The following PLD5 variants were observed in gnomAD, a reference collection of about 807,000 sequenced individuals.
PLD5 encodes the protein inactive phospholipase D5.
A neutral mutation model predicts 61.1 loss-of-function variants in PLD5; 36 were observed. The ratio of observed to expected loss-of-function variants is 0.59; its 90% CI spans 0.45 to 0.78. The LOEUF is 0.78. PLD5 is among the 30% of genes least tolerant of loss of function. The probability of loss-of-function intolerance (pLI) is 0.00; values close to 1 mark genes in which losing one functional copy is unlikely to be tolerated. For missense variants in PLD5, 515 were observed against 644.4 expected, an observed-to-expected ratio of 0.80 and a Z score of 2.17; for synonymous variants, 243 against 242.8, an observed-to-expected ratio of 1.00 and a Z score of -0.01.
chr1:242,233,956 G>A (rs1237055020), intron 4 of PLD5, among the ~76,000 whole-genome samples: 1 of 152,138 alleles, frequency 6.6e-6, no homozygotes, highest in African/African-American at 2.4e-5. Flanking sequence ...TTTCTACATG[G>A]GAGATGTGGT....
At chr1:242,203,987 A>G (rs1196926763) in intron 5 of PLD5, among the ~76,000 whole-genome samples, 2 of 152,234 alleles carry the variant, frequency 1.3e-5, no homozygotes, top group African/African-American at 4.8e-5. Flanking sequence ...CTGTAATCCC[A>G]GCACTTTGGG....
chr1:242,264,919 T>C (rs1352874708), intron 4 of PLD5, among the ~76,000 whole-genome samples: 1 of 152,208 alleles, frequency 6.6e-6, no homozygotes, highest in Non-Finnish European at 1.5e-5. Context: ...CAATGTTTCA[T>C]AGACTCCAGG....
chr1:242,353,841 T>C (rs1354644900), intron 1 of PLD5, among the ~76,000 whole-genome samples: 2 of 151,568 alleles, frequency 1.3e-5, no homozygotes, highest in Non-Finnish European at 3.0e-5. Flanking sequence ...ACCTCCTTGA[T>C]TAAATTTATT....
At chr1:242,174,222 T>A (rs1169993687) in intron 5 of PLD5, among the ~76,000 whole-genome samples, 1 of 151,658 alleles carries the variant, frequency 6.6e-6, no homozygotes, top group Non-Finnish European at 1.5e-5. Flanking sequence ...AACAACCCCA[T>A]CAAAAAGTGG....
At chr1:242,510,088 G>C (rs1410817651) in intron 1 of PLD5, among the ~76,000 whole-genome samples, 1 of 152,018 alleles carries the variant, frequency 6.6e-6, no homozygotes, top group Non-Finnish European at 1.5e-5. Flanking sequence ...TGAATGAATG[G>C]GCTGGTGTTG....
intron 1 of PLD5, among the ~76,000 whole-genome samples, chr1:242,507,612 C>A (rs903334147): frequency 6.6e-6 from 1 of 152,192 alleles, no homozygotes; most frequent in Admixed American, 6.5e-5. Flanking sequence ...CCTACTCAAA[C>A]TGGACAGCTA....
At chr1:242,391,958 C>T (rs999178465) in intron 1 of PLD5, among the ~76,000 whole-genome samples, 2 of 152,198 alleles carry the variant, frequency 1.3e-5, no homozygotes, top group Admixed American at 6.5e-5. Context: ...TACATACACT[C>T]ATGTTCATTG....
At chr1:242,491,949 A>G (rs1668166631) in intron 1 of PLD5, among the ~76,000 whole-genome samples, 1 of 152,230 alleles carries the variant, frequency 6.6e-6, no homozygotes, top group African/African-American at 2.4e-5. Flanking sequence ...GAGCTCAAGA[A>G]TGCTAGACAT....
intron 1 of PLD5, among the ~76,000 whole-genome samples, chr1:242,406,608 G>A (rs1664247452): frequency 6.6e-6 from 1 of 152,194 alleles, no homozygotes; most frequent in African/African-American, 2.4e-5. Flanking sequence ...GGAAAACCTG[G>A]AAAAGTTGCA....
intron 1 of PLD5, among the ~76,000 whole-genome samples, chr1:242,483,660 A>G (rs904845684): frequency 5.9e-5 from 9 of 152,164 alleles, no homozygotes; most frequent in Admixed American, 6.5e-5. Context: ...CGAGACTGAA[A>G]GTTAACAAGA....
At chr1:242,478,995 T>C (rs1306374156) in intron 1 of PLD5, among the ~76,000 whole-genome samples, 3 of 152,248 alleles carry the variant, frequency 2.0e-5, no homozygotes, top group Non-Finnish European at 2.9e-5. Flanking sequence ...ATTTTAATGA[T>C]ATTGTTTAAT....
chr1:242,259,307 CCTCT>C lies in PLD5; in HGVS notation c.607+6026_607+6029del, dbSNP rs71176735. ...CTGGGTGATGGAGCAAGACATCACC[CCTCT>C]CTCTCTCTCTCTCTCAAAAAAAATA... On this transcript the variant is annotated intron_variant, in intron 4 of 9. Transcript: ENST00000536534. Among the ~76,000 whole-genome samples, 92 of 145,830 alleles carry C rather than the reference CCTCT, an allele frequency of 6.3e-4. No individual in the cohort carries two copies. The East Asian group carries it at 0.011, about 18-fold the overall frequency.
At chr1:242,247,920 A>G (rs958773685) in intron 4 of PLD5, among the ~76,000 whole-genome samples, 13 of 152,188 alleles carry the variant, frequency 8.5e-5, no homozygotes, top group African/African-American at 3.1e-4. Flanking sequence ...CCTGCAGAAT[A>G]AAGGACTGGC....
At chr1:242,097,184 A>G (rs1389532937) in intron 9 of PLD5, among the ~76,000 whole-genome samples, 1 of 152,164 alleles carries the variant, frequency 6.6e-6, no homozygotes, top group Non-Finnish European at 1.5e-5. Context: ...AGTCTTTGCT[A>G]TTGTGAATAG....
At chr1:242,127,100 G>A (rs1662850347) in intron 5 of PLD5, among the ~76,000 whole-genome samples, 15 of 152,136 alleles carry the variant, frequency 9.9e-5, no homozygotes, top group Admixed American at 9.8e-4. Flanking sequence ...AAGCCACAAT[G>A]TGATACCACC....
rs1385066831 is a variant in PLD5 at position 242,397,344 on chromosome 1, T to TCG, written c.190-49103_190-49102insCG. Among the ~76,000 whole-genome samples the TCG allele has an allele frequency of 9.3e-5, 11 of 118,548 alleles. No individual in the cohort carries two copies. In the Admixed American group the frequency reaches 9.6e-4, roughly 10 times the overall value. 77.8% of individuals were successfully genotyped at this position (118,548 alleles called of 152,430 possible). On this transcript the variant is annotated intron_variant, in intron 1 of 9. Transcript: ENST00000536534. ...TATCCTTGACTTCTGTTTTTTTTCT[T>TCG]TGTTTTTTTTTTCCTCATATTTTCT...
chr1:242,365,224 G>A (rs900359991), intron 1 of PLD5: 7 of 152,260 alleles, frequency 4.6e-5, no homozygotes, highest in African/African-American at 1.4e-4. Flanking sequence ...CCCTGTATGA[G>A]GTGGTGCAGG....
intron 2 of PLD5, among the ~76,000 whole-genome samples, chr1:242,326,446 C>T (rs527722256): frequency 4.0e-4 from 61 of 151,992 alleles, no homozygotes; most frequent in Non-Finnish European, 6.5e-4. Context: ...CCTGTTTGTA[C>T]GTGGATAAGT....
At chr1:242,130,442 T>C (rs1311259522) in intron 5 of PLD5, among the ~76,000 whole-genome samples, 1 of 152,216 alleles carries the variant, frequency 6.6e-6, no homozygotes, top group South Asian at 2.1e-4. Context: ...ATATAATGAC[T>C]TCTTTTGCTA....
Sources: allele counts gnomAD v4.1 joint callset (sites outside exome capture counted in the v4.1 genomes callset), GRCh38; gene constraint gnomAD v4.1.1; transcripts MANE v1.5; gene names NCBI Gene and HGNC (gene_info 2026-07-23, HGNC 2026-07-21).